Variants in RSPH3 observed in about 807,000 individuals in gnomAD.
The protein encoded by RSPH3 is radial spoke head 3, also known as radial spoke head protein 3 homolog.
RSPH3 carries 21 observed loss-of-function variants against 43.8 expected under a neutral mutation model. That is an observed-to-expected ratio of 0.48 (90% confidence interval 0.34 to 0.69). The LOEUF is 0.69. Ranked by LOEUF, RSPH3 falls within the 30% of genes least tolerant of loss-of-function variation. The pLI is 0.01. For synonymous variants in RSPH3, 173 were observed against 179.8 expected (o/e 0.96, Z 0.30); for missense variants, 487 against 516.0 (o/e 0.94, Z 0.54).
At position 158,982,544 on chromosome 6, in the gene RSPH3, T is replaced by A. The variant is rs1170125936; in HGVS notation, c.637A>T (p.Ser213Cys). 3 of 1,613,822 alleles carry A rather than the reference T, an allele frequency of 1.9e-6. No homozygotes were observed. In the Admixed American group the frequency reaches 5.0e-5, roughly 27 times the overall value. Residue 213 changes from serine to cysteine, a missense_variant, in exon 5 of 8, where the codon AGT becomes TGT. Coordinates refer to ENST00000367069, the MANE Select transcript of RSPH3 (RefSeq NM_031924.8). ...SQREYEELRN[S>C]ERAEVQRLEE... Reference sequence around the variant, plus strand: ...AGTCGTTGAACTTCAGCACGTTCACTATTCCGTAGTTCTTCATACTCACGC... The same window carrying A: ...AGTCGTTGAACTTCAGCACGTTCACAATTCCGTAGTTCTTCATACTCACGC...
Position 158,977,246 on chromosome 6 carries a change from A to C in RSPH3, c.*292T>G, listed in dbSNP as rs1777874635. 2 of 332,176 alleles carry C rather than the reference A, an allele frequency of 6.0e-6. No homozygotes were observed. The highest frequency in any genetic ancestry group is 2.1e-5 in the African/African-American group (1 of 47,044). 20.6% of individuals were successfully genotyped at this position (332,176 alleles called of 1,614,324 possible). ...CTAACCCGCAAAATTAGAAGGGCTA[A>C]GGAAAAATATATTTGCTGGTTACAT... On this transcript the variant is annotated 3_prime_UTR_variant, in exon 8 of 8. Transcript: ENST00000367069.
rs192881308 is a variant in RSPH3 at position 158,974,016 on chromosome 6, A to C, written c.*3522T>G. 2 of 152,316 alleles carry C rather than the reference A, an allele frequency of 1.3e-5. No individual in the cohort carries two copies. The highest frequency in any genetic ancestry group is 4.8e-5 in the African/African-American group (2 of 41,562). 9.4% of individuals were successfully genotyped at this position (152,316 alleles called of 1,614,324 possible). ...GAGACAGGGTTTCACCATGTTGGCC[A>C]GGATGGCCTCGATCTCCTGACCTCG... On this transcript the variant is annotated 3_prime_UTR_variant, in exon 8 of 8. Transcript: ENST00000367069.
At chr6:158,993,428 C>CTTTTT (rs369613942) in intron 2 of RSPH3, among the ~76,000 whole-genome samples, 1 of 117,934 alleles carries the variant, frequency 8.5e-6, no homozygotes, top group African/African-American at 3.1e-5. Context: ...CTGGGGCTTG[C>CTTTTT]TTTTTTTTTT....
downstream of RSPH3, among the ~76,000 whole-genome samples, chr6:158,971,844 T>C (rs950053611): frequency 2.0e-5 from 3 of 152,230 alleles, no homozygotes; most frequent in African/African-American, 7.2e-5. Flanking sequence ...CGAGTCAGAT[T>C]ACACCTATAG....
chr6:158,969,906 T>C (rs1455070108), downstream of RSPH3, among the ~76,000 whole-genome samples: 1 of 152,234 alleles, frequency 6.6e-6, no homozygotes, highest in Non-Finnish European at 1.5e-5. Context: ...GAGACATCTT[T>C]CTCATACTTA....
intron 6 of RSPH3, among the ~76,000 whole-genome samples, chr6:158,979,718 T>C (rs12190032): frequency 0.018 from 2,707 of 152,320 alleles, 35 homozygotes; most frequent in Middle Eastern, 0.024. Flanking sequence ...GTGAAAATTA[T>C]CATTACTAAC....
rs2128605115 is a variant in RSPH3 at position 158,977,592 on chromosome 6, C to T, written c.1203G>A (p.Gly401=). 1 of 1,613,998 alleles carries T rather than the reference C, an allele frequency of 6.2e-7. No individual in the cohort carries two copies. The highest frequency in any genetic ancestry group is 8.5e-7 in the Non-Finnish European group (1 of 1,179,984). Residue 401 remains glycine (G), a synonymous_variant, in exon 8 of 8, where the codon GGG becomes GGA. Coordinates refer to ENST00000367069, the MANE Select transcript of RSPH3 (RefSeq NM_031924.8). ...RKFMEERELL[G]QDEETAMRKS... ...TCCTCATTGCTGTTTCTTCATCTTG[C>T]CCTAAGAGTTCTCTCTCTTCCATAA...
chr6:158,975,461 C>G lies in RSPH3; in HGVS notation c.*2077G>C, dbSNP rs566536528. ...TTTGGATTCCAGCTTTAGTCCTATT[C>G]CCTACTAGGCTCGTCATCTATTGCA... On this transcript the variant is annotated 3_prime_UTR_variant, in exon 8 of 8. Transcript: ENST00000367069. The G allele has an allele frequency of 6.6e-6, 1 of 152,280 alleles. No homozygotes were observed. Among genetic ancestry groups the G allele is most frequent in the Admixed American group, 6.5e-5 (1 of 15,306 alleles). The allele number at this position is 152,280 out of a possible 1,614,324, so 9.4% of individuals were successfully genotyped here. A position where few individuals can be genotyped will look rare whatever the true frequency, so the allele number is the denominator to read the frequency against.
At chr6:158,990,167 C>T (rs1305920577) in intron 2 of RSPH3, among the ~76,000 whole-genome samples, 2 of 152,070 alleles carry the variant, frequency 1.3e-5, no homozygotes, top group Non-Finnish European at 2.9e-5. Context: ...TGACTTAATA[C>T]TTAATAAACT....
intron 2 of RSPH3, among the ~76,000 whole-genome samples, chr6:158,991,690 G>A (rs1778413593): frequency 6.6e-6 from 1 of 152,244 alleles, no homozygotes; most frequent in East Asian, 1.9e-4. Flanking sequence ...GAAGGTGACA[G>A]TTCAGCTTCC....
chr6:158,988,686 A>T (rs1778308769), intron 2 of RSPH3, among the ~76,000 whole-genome samples: 2 of 151,866 alleles, frequency 1.3e-5, no homozygotes, highest in African/African-American at 4.8e-5. Context: ...CCTCTAATAA[A>T]TTTTTCAGTT....
rs1261797535 is a variant in RSPH3 at position 158,974,759 on chromosome 6, G to C, written c.*2779C>G. On this transcript the variant is annotated 3_prime_UTR_variant, in exon 8 of 8. Transcript: ENST00000367069. ...TATGGATTTATAGAGCATAGGTCTG[G>C]CATCTGCAAAGTGTTTAATGGACTG... The C allele has an allele frequency of 6.6e-6, 1 of 152,090 alleles. No homozygotes were observed. Among genetic ancestry groups the C allele is most frequent in the Non-Finnish European group, 1.5e-5 (1 of 68,020 alleles). 9.4% of individuals were successfully genotyped at this position (152,090 alleles called of 1,614,324 possible).
At chr6:158,998,849 G>T (rs1408849427) in intron 1 of RSPH3, among the ~76,000 whole-genome samples, 1 of 151,952 alleles carries the variant, frequency 6.6e-6, no homozygotes, top group African/African-American at 2.4e-5. Flanking sequence ...CAGCCTGGGC[G>T]ACAAGAGCGA....
rs1295593708 is a variant in RSPH3 at position 158,975,888 on chromosome 6, G to A, written c.*1650C>T. 1 of 151,996 alleles carries A rather than the reference G, an allele frequency of 6.6e-6. No individual in the cohort carries two copies. The highest frequency in any genetic ancestry group is 2.4e-5 in the African/African-American group (1 of 41,412). The allele number at this position is 151,996 out of a possible 1,614,324, so 9.4% of individuals were successfully genotyped here. ...GTTTATATATGTGTAAGTATTTTGC[G>A]AAAAACAGACTCAGCCAGGTGCGGT... On this transcript the variant is annotated 3_prime_UTR_variant, in exon 8 of 8. Coordinates refer to ENST00000367069, the MANE Select transcript of RSPH3 (RefSeq NM_031924.8).
chr6:158,963,803 G>C, the RSPH3 span, among the ~76,000 whole-genome samples: 1 of 152,000 alleles, frequency 6.6e-6, no homozygotes, highest in East Asian at 1.9e-4. Context: ...TGTTGTCCAG[G>C]CTGGTCTCAA....
At chr6:158,987,869 G>C (rs1002681209) in intron 2 of RSPH3, among the ~76,000 whole-genome samples, 1 of 151,966 alleles carries the variant, frequency 6.6e-6, no homozygotes, top group Non-Finnish European at 1.5e-5. Context: ...TTGTCTTTTG[G>C]GCCTCATAGT....
At chr6:158,983,572 A>G in intron 4 of RSPH3, 90 bp downstream of exon 4, 1 of 911,064 alleles carries the variant, frequency 1.1e-6, no homozygotes, top group Non-Finnish European at 1.8e-6. Context: ...CTGATTGTGA[A>G]GTGGTTCTTG....
At position 158,976,218 on chromosome 6, in the gene RSPH3, T is replaced by C. The variant is rs968263468; in HGVS notation, c.*1320A>G. The C allele has an allele frequency of 6.6e-6, 1 of 151,992 alleles. No individual in the cohort carries two copies. The highest frequency in any genetic ancestry group is 6.6e-5 in the Admixed American group (1 of 15,240). 9.4% of individuals were successfully genotyped at this position (151,992 alleles called of 1,614,324 possible). ...AAATAAAAATAAGTAAAAAGAAAAATAGGCTCTATTTATCTAAAGGCTCTG... is the reference window on the plus strand; with the variant it reads ...AAATAAAAATAAGTAAAAAGAAAAACAGGCTCTATTTATCTAAAGGCTCTG... On this transcript the variant is annotated 3_prime_UTR_variant, in exon 8 of 8. Coordinates refer to ENST00000367069, the MANE Select transcript of RSPH3 (RefSeq NM_031924.8).
chr6:158,967,277 C>T, the RSPH3 span, among the ~76,000 whole-genome samples: 59 of 152,042 alleles, frequency 3.9e-4, no homozygotes, highest in South Asian at 9.1e-3. Context: ...ATTACAGGCA[C>T]GAGCCACAGC....
Sources: allele counts gnomAD v4.1 joint callset (sites outside exome capture counted in the v4.1 genomes callset), GRCh38; gene constraint gnomAD v4.1.1; transcripts MANE v1.5; gene names NCBI Gene and HGNC (gene_info 2026-07-23, HGNC 2026-07-21).